The following CAMTA1 variants were observed in gnomAD, a reference collection of about 807,000 sequenced individuals.
CAMTA1 encodes calmodulin-binding transcription activator 1.
CAMTA1 carries 27 observed loss-of-function variants against 170.9 expected under a neutral mutation model. The ratio of observed to expected loss-of-function variants is 0.16; its 90% CI spans 0.12 to 0.22. CAMTA1 has a LOEUF of 0.22. Among genes scored for constraint, CAMTA1 ranks in the 10% least tolerant of loss-of-function variants. The probability of loss-of-function intolerance (pLI) is 1.00; values close to 1 mark genes in which losing one functional copy is unlikely to be tolerated. For synonymous variants in CAMTA1, 833 were observed against 891.5 expected, an observed-to-expected ratio of 0.93 and a Z score of 1.17; for missense variants, 1,619 against 2,217.2, an observed-to-expected ratio of 0.73 and a Z score of 5.42.
chr1:7,168,014 G>A (rs776958502), intron 4 of CAMTA1, among the ~76,000 whole-genome samples: 1 of 152,166 alleles, frequency 6.6e-6, no homozygotes, highest in Non-Finnish European at 1.5e-5. Context: ...GGGATTACAG[G>A]TGTGAGCCAC....
chr1:7,260,382 T>C (rs1667993794), intron 5 of CAMTA1, among the ~76,000 whole-genome samples: 1 of 152,252 alleles, frequency 6.6e-6, no homozygotes, highest in South Asian at 2.1e-4. Flanking sequence ...TTAATGCATG[T>C]AGCATAGGCT....
At chr1:7,394,179 A>T (rs2089032970) in intron 5 of CAMTA1, among the ~76,000 whole-genome samples, 1 of 152,150 alleles carries the variant, frequency 6.6e-6, no homozygotes. Context: ...AGATATAATG[A>T]TTTCGTTTGC....
intron 5 of CAMTA1, among the ~76,000 whole-genome samples, chr1:7,403,561 A>G (rs1195096215): frequency 1.3e-5 from 2 of 152,100 alleles, no homozygotes; most frequent in African/African-American, 4.8e-5. Flanking sequence ...GTGTTAGTGA[A>G]GGGGTGAAGG....
At chr1:7,698,737 C>T (rs568272440) in intron 11 of CAMTA1, 40 of 152,410 alleles carry the variant, frequency 2.6e-4, no homozygotes, top group African/African-American at 9.6e-4. Flanking sequence ...TCAGGGACAT[C>T]ATCATGGCCA....
intron 3 of CAMTA1, among the ~76,000 whole-genome samples, chr1:6,828,227 T>C (rs1647975249): frequency 6.6e-6 from 1 of 151,902 alleles, no homozygotes; most frequent in African/African-American, 2.4e-5. Flanking sequence ...ATATTTGTGA[T>C]TGTTTGAAAA....
At chr1:7,126,983 A>T (rs1644970989) in intron 4 of CAMTA1, among the ~76,000 whole-genome samples, 2 of 152,006 alleles carry the variant, frequency 1.3e-5, no homozygotes. Flanking sequence ...GTTAGCCAGG[A>T]TGGTCTTGAT....
At chr1:7,587,464 G>A (rs377293259) in intron 6 of CAMTA1, among the ~76,000 whole-genome samples, 3 of 152,130 alleles carry the variant, frequency 2.0e-5, no homozygotes, top group East Asian at 1.9e-4. Context: ...TGATTTCAGC[G>A]CTGAATATCT....
intron 3 of CAMTA1, among the ~76,000 whole-genome samples, chr1:7,066,322 G>A (rs1034563500): frequency 7.2e-5 from 11 of 152,176 alleles, no homozygotes; most frequent in African/African-American, 2.7e-4. Flanking sequence ...TCTCAGGTGG[G>A]CTGGCTATGC....
intron 3 of CAMTA1, among the ~76,000 whole-genome samples, chr1:6,891,258 C>G (rs1343081675): frequency 6.6e-6 from 1 of 152,170 alleles, no homozygotes; most frequent in African/African-American, 2.4e-5. Flanking sequence ...CTTGTGCAAT[C>G]CCCACTTTTA....
At chr1:7,222,328 C>T (rs892942016) in intron 4 of CAMTA1, among the ~76,000 whole-genome samples, 3 of 152,148 alleles carry the variant, frequency 2.0e-5, no homozygotes, top group Admixed American at 6.5e-5. Context: ...TGAGGACCTG[C>T]GTCTTCTGTC....
At chr1:7,077,224 G>GTTTTTTTTTTTTTTTTTTTTTTT (rs113439901) in intron 3 of CAMTA1, among the ~76,000 whole-genome samples, 1 of 118,630 alleles carries the variant, frequency 8.4e-6, no homozygotes. Context: ...TTAAGGAAAG[G>GTTTTTTTTTTTTTTTTTTTTTTT]TTTTTTTTTT....
chr1:7,740,865 A>C (rs1184031993), intron 16 of CAMTA1, among the ~76,000 whole-genome samples: 2 of 152,258 alleles, frequency 1.3e-5, no homozygotes, highest in African/African-American at 4.8e-5. Context: ...GTTAGAGAAT[A>C]ACATCTTGCC....
At chr1:7,180,292 G>A (rs748591705) in intron 4 of CAMTA1, among the ~76,000 whole-genome samples, 29 of 151,980 alleles carry the variant, frequency 1.9e-4, no homozygotes, top group East Asian at 3.9e-4. Flanking sequence ...GCTTGAACTC[G>A]GGAGGCAGTG....
chr1:7,623,217 C>T (rs77863370), intron 6 of CAMTA1, among the ~76,000 whole-genome samples: 1,653 of 152,264 alleles, frequency 0.011, 32 homozygotes, highest in African/African-American at 0.038. Flanking sequence ...CAGTAGACCC[C>T]AAATGTAGGC....
chr1:7,436,682 G>A (rs1040825768), intron 5 of CAMTA1, among the ~76,000 whole-genome samples: 1 of 152,184 alleles, frequency 6.6e-6, no homozygotes, highest in Non-Finnish European at 1.5e-5. Flanking sequence ...CCCTTCCCGG[G>A]CCTGTGGCAT....
At chr1:7,447,483 G>T (rs1478836771) in intron 5 of CAMTA1, among the ~76,000 whole-genome samples, 1 of 152,032 alleles carries the variant, frequency 6.6e-6, no homozygotes. Flanking sequence ...CAGCCACGGT[G>T]CCAGCTTTCA....
Position 7,007,765 on chromosome 1 carries a change from C to T in CAMTA1, c.235-83539C>T, listed in dbSNP as rs1187663870. Among the ~76,000 whole-genome samples, 2 of 152,192 alleles carry T rather than the reference C, an allele frequency of 1.3e-5. No individual in the cohort carries two copies. Among genetic ancestry groups the T allele is most frequent in the African/African-American group, 2.4e-5 (1 of 41,440 alleles). On this transcript the variant is annotated intron_variant, in intron 3 of 22. Coordinates refer to ENST00000303635, the MANE Select transcript of CAMTA1 (RefSeq NM_015215.4). The surrounding 1 kb of genome is among the most constrained non-coding windows in gnomAD (Gnocchi z 4.5). ...TTCCGACCCTGTGCTTTTCTACCGA[C>T]TTCTGGGCCGGGTCATCCACTCCTC...
At chr1:7,411,678 A>G (rs1221517737) in intron 5 of CAMTA1, among the ~76,000 whole-genome samples, 2 of 152,158 alleles carry the variant, frequency 1.3e-5, no homozygotes, top group African/African-American at 4.8e-5. Context: ...CTCTTGGCCC[A>G]TGTCAGGACT....
chr1:7,116,814 AT>A (rs1162895812), intron 4 of CAMTA1, among the ~76,000 whole-genome samples: 46 of 142,728 alleles, frequency 3.2e-4, no homozygotes, highest in South Asian at 4.5e-4. Context: ...CGCCTGGCTA[AT>A]TTTTTTTTTT....
Sources: allele counts gnomAD v4.1 joint callset (sites outside exome capture counted in the v4.1 genomes callset), GRCh38; gene constraint gnomAD v4.1.1; non-coding constraint Gnocchi (gnomAD v3.1); transcripts MANE v1.5; gene names NCBI Gene and HGNC (gene_info 2026-07-23, HGNC 2026-07-21).